Variants in STRA6 observed in about 807,000 individuals in gnomAD.
The protein encoded by STRA6 is receptor for retinol uptake STRA6.
A neutral mutation model predicts 83.6 loss-of-function variants in STRA6; 48 were observed. The observed-to-expected ratio is 0.57, with a 90% CI of 0.46 to 0.73. The LOEUF (loss-of-function observed/expected upper bound fraction) is 0.73. STRA6 is among the 30% of genes least tolerant of loss of function. The pLI, the probability that STRA6 is intolerant of heterozygous loss-of-function variation, is 0.00. For missense variants in STRA6, 760 were observed against 838.8 expected (o/e 0.91, Z 1.16); for synonymous variants, 353 against 362.3 (o/e 0.97, Z 0.29).
upstream of STRA6, among the ~76,000 whole-genome samples, chr15:74,205,720 C>T (rs2142103605): frequency 6.6e-6 from 1 of 152,346 alleles, no homozygotes; most frequent in Admixed American, 6.5e-5. Context: ...AAAGGGACCC[C>T]AGCTGAGCCC....
At chr15:74,180,288 C>T in intron 18 of STRA6, 45 bp from the exon 19 acceptor site, 2 of 1,612,424 alleles carry the variant, frequency 1.2e-6, no homozygotes, top group Non-Finnish European at 8.5e-7. Flanking sequence ...AAACACCCAG[C>T]CAACCCTCCC....
At position 74,197,431 on chromosome 15, in the gene STRA6, G is replaced by C. The variant is rs1424671066; in HGVS notation, c.181-8C>G. Reference sequence around the variant, plus strand: ...GAGCAGCAGCACAAGGATCTGAAAGGAGAGTGCAGAGGAGGGCTTGGGGTG... The same window carrying C: ...GAGCAGCAGCACAAGGATCTGAAAGCAGAGTGCAGAGGAGGGCTTGGGGTG... On this transcript the variant is annotated splice_polypyrimidine_tract_variant and splice_region_variant and intron_variant, in intron 3 of 18. Transcript: ENST00000395105. 3.2e-6 allele frequency: 5 copies of C among 1,550,066 alleles called. No individual in the cohort carries two copies. The East Asian group carries it at 9.8e-5, about 30-fold the overall frequency.
upstream of STRA6, chr15:74,209,335 G>C: frequency 2.6e-6 from 4 of 1,519,320 alleles, no homozygotes; most frequent in Non-Finnish European, 3.5e-6. Flanking sequence ...TGGCCTTAGA[G>C]AAGCTGAGGA....
chr15:74,197,307 T>C, intron 4 of STRA6, 31 bp downstream of exon 4: 2 of 1,517,416 alleles, frequency 1.3e-6, no homozygotes, highest in South Asian at 2.4e-5. Flanking sequence ...CTGGGTCCCC[T>C]GAGTGGGGGT....
At chr15:74,182,597 G>A in intron 14 of STRA6, 137 bp from the exon 15 acceptor site, 1 of 697,676 alleles carries the variant, frequency 1.4e-6, no homozygotes, top group South Asian at 1.7e-5. Context: ...GCCTAGCTAT[G>A]CTGCCTTGAA....
Position 74,198,241 on chromosome 15 carries a change from G to A in STRA6, c.114-423C>T, listed in dbSNP as rs143472900. On this transcript the variant is annotated intron_variant, in intron 2 of 18. Coordinates refer to ENST00000395105, the MANE Select transcript of STRA6 (RefSeq NM_022369.4). ...CCCACCTCAGCCTCATGAGTAGCTG[G>A]GACCACAGGTGTGCACCACCATGCC... Among the ~76,000 whole-genome samples the A allele has an allele frequency of 9.9e-3, 1,498 of 152,032 alleles. 10 individuals are homozygous for A. The highest frequency in any genetic ancestry group is 0.018 in the Non-Finnish European group (1,190 of 67,970).
At chr15:74,204,442 C>T (rs2074209821), upstream of STRA6, among the ~76,000 whole-genome samples, 1 of 152,210 alleles carries the variant, frequency 6.6e-6, no homozygotes, top group Non-Finnish European at 1.5e-5. Context: ...AGCTGGGCTT[C>T]CCAGAGTCCC....
chr15:74,182,392 C>T lies in STRA6; in HGVS notation c.1369G>A (p.Val457Met), dbSNP rs1448262043. Reference protein sequence around the residue: ...TALAFLVLMPVLHGRNLLLFR... With the variant: ...TALAFLVLMPMLHGRNLLLFR... ...AGCAGGAGGTTCCTGCCATGGAGCA[C>T]AGGCATGAGCACCAGGAAGGCCAGG... The change falls in exon 15 of 19, where the codon GTG (valine) becomes ATG (methionine). Residue 457 changes from valine to methionine, a missense_variant. Val to Met is a conservative substitution (Grantham distance 21). Coordinates refer to ENST00000395105, the MANE Select transcript of STRA6 (RefSeq NM_022369.4). 6.2e-7 allele frequency: 1 copy of T among 1,613,646 alleles called. No individual in the cohort carries two copies. Among genetic ancestry groups the T allele is most frequent in the African/African-American group, 1.3e-5 (1 of 74,906 alleles).
At chr15:74,191,097 A>G (rs754668645) in intron 10 of STRA6, 70 bp downstream of exon 10, 10 of 1,590,936 alleles carry the variant, frequency 6.3e-6, no homozygotes, top group Admixed American at 1.8e-5. Context: ...CCAGTCCTCC[A>G]CTGCAGCCAT....
rs2074129531 is a variant in STRA6 at position 74,202,574 on chromosome 15, C to T, written c.-16+139G>A. On this transcript the variant is annotated intron_variant, in intron 1 of 18. Transcript: ENST00000395105. ...CTTGGGGCCCCGGGGCTCCCGCTGG[C>T]GCATCTGTCTGACCAACCACCAGCA... is the stretch of plus-strand genomic sequence containing the variant. The T allele has an allele frequency of 4.8e-6, 7 of 1,471,084 alleles. No homozygotes were observed. In the South Asian group the frequency reaches 5.4e-5, roughly 11 times the overall value. 91.1% of individuals were successfully genotyped at this position (1,471,084 alleles called of 1,614,324 possible).
In STRA6 at chr15:74,180,263, T is replaced by C. The variant is rs368636037; in HGVS notation, c.1841-20A>G. The C allele has an allele frequency of 6.2e-6, 10 of 1,613,880 alleles. No homozygotes were observed. Among genetic ancestry groups the C allele is most frequent in the Non-Finnish European group, 8.5e-6 (10 of 1,180,008 alleles). On this transcript the variant is annotated intron_variant, in intron 18 of 18. Coordinates refer to ENST00000395105, the MANE Select transcript of STRA6 (RefSeq NM_022369.4). ...GCATCCCTGAGAGAGACGGACTTTC[T>C]GTGAGTCACTCAGCAAACACCCAGC...
chr15:74,189,261 A>G lies in STRA6; in HGVS notation c.944T>C (p.Leu315Pro). 1 of 1,599,474 alleles carries G rather than the reference A, an allele frequency of 6.3e-7. No homozygotes were observed. The highest frequency in any genetic ancestry group is 8.5e-7 in the Non-Finnish European group (1 of 1,173,184). ...TAIYQVALLL[L>P]VGVVPTIQKV... ...CTGGATAGTGGGTACCACGCCCACC[A>G]GCAGCAGCAGGGCCACCTGGAAGAG... Residue 315 changes from leucine to proline, a missense_variant, in exon 12 of 19, where the codon CTG (leucine) becomes CCG (proline). Coordinates refer to ENST00000395105, the MANE Select transcript of STRA6 (RefSeq NM_022369.4).
rs1169563035 is a variant in STRA6, at chr15:74,185,060, T to C, written c.1091-5A>G. The C allele has an allele frequency of 1.9e-6, 3 of 1,613,798 alleles. No individual in the cohort carries two copies. Among genetic ancestry groups the C allele is most frequent in the Non-Finnish European group, 2.5e-6 (3 of 1,179,874 alleles). ...CCAAGGCTGAGATGTAGCACACTGG[T>C]GGGCAGAGAATGAGCAAAGTGAGAG... On this transcript the variant is annotated splice_polypyrimidine_tract_variant and splice_region_variant and intron_variant, in intron 12 of 18. Coordinates refer to ENST00000395105, the MANE Select transcript of STRA6 (RefSeq NM_022369.4).
At chr15:74,183,786 C>A (rs1450991247) in intron 14 of STRA6, 70 bp downstream of exon 14, 2 of 1,611,230 alleles carry the variant, frequency 1.2e-6, no homozygotes, top group South Asian at 1.1e-5. Context: ...GCACTCTTCT[C>A]CCCAACTGAG....
In STRA6 at chr15:74,179,654, C is replaced by T. The variant is rs533909647; in HGVS notation, c.*426G>A. The stretch of plus-strand genomic sequence containing the variant: ...TTTCCGGCCACTCCCCAGAGAGGTC[C>T]GTGGCGCTGAGGGGGTGAGGAAGTG... On this transcript the variant is annotated 3_prime_UTR_variant, in exon 19 of 19. Coordinates refer to ENST00000395105, the MANE Select transcript of STRA6 (RefSeq NM_022369.4). 16 of 176,426 alleles carry T rather than the reference C, an allele frequency of 9.1e-5. No homozygotes were observed. The highest frequency in any genetic ancestry group is 1.6e-4 in the East Asian group (1 of 6,378). The allele number at this position is 176,426 out of a possible 1,614,324, so 10.9% of individuals were successfully genotyped here.
intron 13 of STRA6, 150 bp from the exon 14 acceptor site, chr15:74,184,139 G>A (rs757215440): frequency 2.7e-6 from 3 of 1,117,364 alleles, no homozygotes; most frequent in South Asian, 1.4e-5. Flanking sequence ...CCAGGAGGAG[G>A]CCACTAACCC....
At chr15:74,195,135 G>A in intron 7 of STRA6, 167 bp downstream of exon 7, 2 of 1,504,692 alleles carry the variant, frequency 1.3e-6, no homozygotes, top group East Asian at 2.5e-5. Context: ...CTCTCCTGCA[G>A]AGCAGCCAAG....
At chr15:74,193,681 G>A (rs909556215) in intron 8 of STRA6, 119 bp downstream of exon 8, 20 of 1,524,708 alleles carry the variant, frequency 1.3e-5, no homozygotes, top group Non-Finnish European at 1.7e-5. Flanking sequence ...CATTTTCTGA[G>A]CATCTATTCT....
chr15:74,205,485 G>A (rs901144658), upstream of STRA6, among the ~76,000 whole-genome samples: 2 of 152,298 alleles, frequency 1.3e-5, no homozygotes, highest in Non-Finnish European at 1.5e-5. Flanking sequence ...AACTGATAGA[G>A]CGAGAACTCA....
Sources: gnomAD v4.1 joint callset for allele counts (sites outside exome capture counted in the v4.1 genomes callset) on GRCh38, gnomAD v4.1.1 for gene constraint, MANE v1.5 for transcripts, NCBI Gene and HGNC (gene_info 2026-07-23, HGNC 2026-07-21) for gene names.